SCLT1: variants seen among roughly 807,000 people sequenced by gnomAD.
SCLT1 encodes the protein sodium channel-associated protein 1.
SCLT1 carries 78 observed loss-of-function variants against 112.8 expected under a neutral mutation model. The observed-to-expected ratio is 0.69, with a 90% CI of 0.58 to 0.83. The LOEUF is 0.83. Among genes scored for constraint, SCLT1 ranks in the 40% least tolerant of loss-of-function variants. The pLI is 0.00. For synonymous variants in SCLT1, 257 were observed against 254.7 expected (o/e 1.01, Z -0.09); for missense variants, 747 against 770.4 (o/e 0.97, Z 0.36).
At chr4:128,973,693 C>T (rs768760738) in intron 9 of SCLT1, among the ~76,000 whole-genome samples, 2 of 151,654 alleles carry the variant, frequency 1.3e-5, no homozygotes, top group Non-Finnish European at 2.9e-5. Flanking sequence ...AAATCTCCTG[C>T]TACATAAGTA....
At chr4:129,026,409 C>A (rs998217760) in intron 5 of SCLT1, among the ~76,000 whole-genome samples, 4 of 152,060 alleles carry the variant, frequency 2.6e-5, no homozygotes, top group Admixed American at 6.6e-5. Flanking sequence ...CTCAAAACCA[C>A]TCAACTACAT....
chr4:128,919,106 C>G (rs1735688024), intron 18 of SCLT1, among the ~76,000 whole-genome samples: 1 of 151,960 alleles, frequency 6.6e-6, no homozygotes, highest in South Asian at 2.1e-4. Flanking sequence ...CCTCTCCACC[C>G]AAAACAAACA....
chr4:129,001,361 A>C (rs1360712363), intron 6 of SCLT1, among the ~76,000 whole-genome samples: 1 of 152,018 alleles, frequency 6.6e-6, no homozygotes, highest in African/African-American at 2.4e-5. Flanking sequence ...GCACAGCAGA[A>C]ATCCATGTTT....
At chr4:129,077,659 AAAGATTTCTGTTGCTAGTAGCAAC>A (rs1751578905) in intron 2 of SCLT1, among the ~76,000 whole-genome samples, 1 of 152,206 alleles carries the variant, frequency 6.6e-6, no homozygotes, top group Non-Finnish European at 1.5e-5. Flanking sequence ...CAAATTTATA[AAAGATTTCTGTTGCTAGTAGCAAC>A]AACTAAGTTA....
chr4:128,994,382 C>T (rs1742829462), intron 8 of SCLT1, among the ~76,000 whole-genome samples: 1 of 152,122 alleles, frequency 6.6e-6, no homozygotes, highest in Non-Finnish European at 1.5e-5. Context: ...TAGCATTCCA[C>T]TGTATGTTTA....
Position 129,063,206 on chromosome 4 carries a change from G to A in SCLT1, c.102+19100C>T, listed in dbSNP as rs192838302. Among the ~76,000 whole-genome samples, 396 of 152,096 alleles carry A rather than the reference G, an allele frequency of 2.6e-3. 3 individuals carry two copies. Among genetic ancestry groups the A allele is most frequent in the African/African-American group, 9.4e-3 (388 of 41,488 alleles). On this transcript the variant is annotated intron_variant, in intron 2 of 20. Coordinates refer to ENST00000281142, the MANE Select transcript of SCLT1 (RefSeq NM_144643.4). ...CTTTTCATTTCATTAACTGTATTAC[G>A]TTGCTATCTTAACATCTGAATCAGT...
At chr4:128,959,334 G>A (rs1450560447) in intron 12 of SCLT1, among the ~76,000 whole-genome samples, 2 of 151,672 alleles carry the variant, frequency 1.3e-5, no homozygotes, top group Non-Finnish European at 2.9e-5. Context: ...TTAAGTATGA[G>A]ACTACAGGGG....
intron 15 of SCLT1, among the ~76,000 whole-genome samples, chr4:128,947,094 A>T (rs1290327177): frequency 6.6e-6 from 1 of 152,224 alleles, no homozygotes; most frequent in Non-Finnish European, 1.5e-5. Flanking sequence ...GCACGTCAAC[A>T]TTCCACTACT....
At chr4:129,074,056 T>C (rs1751251696) in intron 2 of SCLT1, among the ~76,000 whole-genome samples, 1 of 152,180 alleles carries the variant, frequency 6.6e-6, no homozygotes, top group African/African-American at 2.4e-5. Context: ...TCCTGATCTC[T>C]CCAACTATAT....
downstream of SCLT1, among the ~76,000 whole-genome samples, chr4:128,883,017 G>A (rs949201142): frequency 6.6e-6 from 1 of 151,644 alleles, no homozygotes; most frequent in African/African-American, 2.4e-5. Flanking sequence ...GTGGTGGCGG[G>A]TGCCTGTAAT....
intron 2 of SCLT1, among the ~76,000 whole-genome samples, chr4:129,051,821 C>A (rs758618263): frequency 3.9e-5 from 6 of 152,148 alleles, no homozygotes; most frequent in Admixed American, 2.6e-4. Context: ...AAAGGGAATG[C>A]TTCCAGTTGT....
intron 17 of SCLT1, 25 bp from the exon 18 acceptor site, chr4:128,936,876 T>A: frequency 8.2e-7 from 1 of 1,226,718 alleles, no homozygotes; most frequent in Non-Finnish European, 1.1e-6. Context: ...GAAAACGTAT[T>A]TTCTTTTTCT....
chr4:128,959,721 TC>T lies in SCLT1; in HGVS notation c.925del (p.Glu309LysfsTer14). The T allele has an allele frequency of 6.2e-7, 1 of 1,613,640 alleles. No individual in the cohort carries two copies. The highest frequency in any genetic ancestry group is 8.5e-7 in the Non-Finnish European group (1 of 1,179,676). ...NQLRTENTHL[E>X]KQTRELQAKC... is the part of the protein sequence containing the mutation. ...TGCTTGTAGCTCTCTGGTCTGTTTT[TC>T]CAGATGTGTATTTTCGGTTCTTAAT... On this transcript the variant is annotated frameshift_variant, in exon 12 of 21. Transcript: ENST00000281142. LOFTEE classifies it high-confidence loss of function.
At chr4:129,069,327 T>C (rs1006274578) in intron 2 of SCLT1, among the ~76,000 whole-genome samples, 13 of 152,172 alleles carry the variant, frequency 8.5e-5, no homozygotes, top group African/African-American at 2.9e-4. Flanking sequence ...GGTATTTTGA[T>C]GGGAATTGCA....
At chr4:129,075,327 T>C (rs1228206209) in intron 2 of SCLT1, among the ~76,000 whole-genome samples, 2 of 152,180 alleles carry the variant, frequency 1.3e-5, no homozygotes, top group Non-Finnish European at 2.9e-5. Flanking sequence ...CTCTTAATCC[T>C]TTCGTTTATA....
intron 5 of SCLT1, among the ~76,000 whole-genome samples, chr4:129,024,714 G>C (rs1343679627): frequency 1.3e-5 from 2 of 152,232 alleles, no homozygotes; most frequent in East Asian, 3.9e-4. Context: ...ACTTTGACGA[G>C]TTGAGAGAAG....
At chr4:128,909,001 G>T (rs1207184005) in intron 18 of SCLT1, among the ~76,000 whole-genome samples, 1 of 152,156 alleles carries the variant, frequency 6.6e-6, no homozygotes, top group Non-Finnish European at 1.5e-5. Context: ...AAACTGCGTA[G>T]ATCTGACCTA....
Position 128,890,216 on chromosome 4 carries a change from T to A in SCLT1, c.1908+843A>T, listed in dbSNP as rs1173925924. Among the ~76,000 whole-genome samples the A allele has an allele frequency of 5.9e-5, 9 of 152,340 alleles. No homozygotes were observed. The East Asian group carries it at 1.7e-3, about 29-fold the overall frequency. ...CATAATGGTTGAGGAACAGTTCAGA[T>A]TGGATAAATCCTAGTATATGCAACT... On this transcript the variant is annotated intron_variant, in intron 19 of 20. Coordinates refer to ENST00000281142, the MANE Select transcript of SCLT1 (RefSeq NM_144643.4).
intron 6 of SCLT1, among the ~76,000 whole-genome samples, chr4:129,002,687 T>A (rs1217001397): frequency 1.3e-5 from 2 of 152,096 alleles, no homozygotes; most frequent in African/African-American, 4.8e-5. Flanking sequence ...GAAAAAAAGC[T>A]CATTATTACT....
Sources: allele counts gnomAD v4.1 joint callset (sites outside exome capture counted in the v4.1 genomes callset), GRCh38; gene constraint gnomAD v4.1.1; transcripts MANE v1.5; gene names NCBI Gene and HGNC (gene_info 2026-07-23, HGNC 2026-07-21).